ZFAND1: variants seen among roughly 807,000 people sequenced by gnomAD.
ZFAND1 encodes the protein zinc finger AN1-type containing 1, also known as AN1-type zinc finger protein 1.
ZFAND1 carries 40 observed loss-of-function variants against 38.5 expected under a neutral mutation model. The observed-to-expected ratio is 1.04, with a 90% confidence interval of 0.81 to 1.35. ZFAND1 has a LOEUF of 1.35. Among genes scored for constraint, ZFAND1 ranks in the 40% most tolerant of loss-of-function variants. The pLI is 0.00. For synonymous variants in ZFAND1, 117 were observed against 103.6 expected (o/e 1.13, Z -0.78); for missense variants, 346 against 316.3 (o/e 1.09, Z -0.71).
intron 6 of ZFAND1, among the ~76,000 whole-genome samples, chr8:81,713,716 G>A (rs1808211498): frequency 6.6e-6 from 1 of 152,086 alleles, no homozygotes; most frequent in East Asian, 1.9e-4. Context: ...ACTCGAAGAA[G>A]TATACATATG....
intron 6 of ZFAND1, among the ~76,000 whole-genome samples, chr8:81,708,519 C>G (rs1808046892): frequency 6.6e-6 from 1 of 151,548 alleles, no homozygotes; most frequent in South Asian, 2.1e-4. Flanking sequence ...GAAAAATATC[C>G]CAAAAGAAAA....
Position 81,706,370 on chromosome 8 carries a change from CAAAAAAAA to C in ZFAND1, c.481-3254_481-3247del, listed in dbSNP as rs35031788. Among the ~76,000 whole-genome samples the C allele has an allele frequency of 2.2e-3, 162 of 72,684 alleles. 1 individual carries two copies. Among genetic ancestry groups the C allele is most frequent in the Middle Eastern group, 0.017 (1 of 60 alleles). 47.7% of individuals were successfully genotyped at this position (72,684 alleles called of 152,430 possible). On this transcript the variant is annotated intron_variant, in intron 6 of 7. Coordinates refer to ENST00000220669, the MANE Select transcript of ZFAND1 (RefSeq NM_024699.3). ...CAAGTAAGCCCTAAGGAAGGAGAAA[CAAAAAAAA>C]AAAAAAAAAAAAAAAAGAAGTGTTG...
At position 81,715,004 on chromosome 8, in the gene ZFAND1, C is replaced by T. The variant is rs1808259434; in HGVS notation, c.249G>A (p.Glu83=). 3.1e-6 allele frequency: 5 copies of T among 1,614,020 alleles called. No homozygotes were observed. The highest frequency in any genetic ancestry group is 4.2e-6 in the Non-Finnish European group (5 of 1,179,908). Residue 83 remains glutamate, a synonymous_variant, in exon 4 of 8, where the codon GAG becomes GAA. Transcript: ENST00000220669. The part of the protein sequence containing the change: ...ELVAVICPYC[E]KNFCLRHRHQ... ...TCAATCACCTCAGGCAAAAATTCTT[C>T]TCACAATAAGGACATATAACTGCCA...
At chr8:81,718,860 GTTTC>G (rs1455619228) in intron 1 of ZFAND1, among the ~76,000 whole-genome samples, 1 of 151,384 alleles carries the variant, frequency 6.6e-6, no homozygotes, top group African/African-American at 2.4e-5. Flanking sequence ...ATGTGTGTGT[GTTTC>G]TATATATGTA....
At chr8:81,703,223 TACCTTCTA>T in intron 6 of ZFAND1, 99 bp from the exon 7 acceptor site, 1 of 806,128 alleles carries the variant, frequency 1.2e-6, no homozygotes, top group Non-Finnish European at 1.8e-6. Context: ...AGAGCAGAAT[TACCTTCTA>T]ACAAGGTATC....
At chr8:81,709,640 T>C (rs1451215592) in intron 6 of ZFAND1, among the ~76,000 whole-genome samples, 1 of 152,152 alleles carries the variant, frequency 6.6e-6, no homozygotes, top group Non-Finnish European at 1.5e-5. Flanking sequence ...TATACATGTA[T>C]GTATAAACAC....
intron 3 of ZFAND1, among the ~76,000 whole-genome samples, chr8:81,716,764 A>G (rs762381534): frequency 1.3e-5 from 2 of 152,198 alleles, no homozygotes; most frequent in Non-Finnish European, 2.9e-5. Context: ...CCTGGCCAAC[A>G]TGGTAAAACC....
chr8:81,708,839 T>C (rs1427624407), intron 6 of ZFAND1: 4 of 1,243,224 alleles, frequency 3.2e-6, no homozygotes, highest in Non-Finnish European at 4.1e-6. Flanking sequence ...TCTGTGAAAT[T>C]AGGATAAAAA....
chr8:81,719,332 C>CAT (rs1808404761), intron 1 of ZFAND1, among the ~76,000 whole-genome samples: 1 of 150,910 alleles, frequency 6.6e-6, no homozygotes, highest in Non-Finnish European at 1.5e-5. Context: ...CACACACACA[C>CAT]ACACACACAC....
chr8:81,718,155 C>T, intron 2 of ZFAND1, 27 bp downstream of exon 2: 1 of 1,554,544 alleles, frequency 6.4e-7, no homozygotes, highest in Non-Finnish European at 8.7e-7. Flanking sequence ...AAATTACTCC[C>T]AAATCCTGCA....
intron 6 of ZFAND1, among the ~76,000 whole-genome samples, chr8:81,712,057 G>A (rs1808154236): frequency 6.6e-6 from 1 of 152,076 alleles, no homozygotes; most frequent in Non-Finnish European, 1.5e-5. Flanking sequence ...TTATATACCA[G>A]AGTCAGTGAT....
intron 6 of ZFAND1, among the ~76,000 whole-genome samples, chr8:81,703,567 C>T (rs1395626697): frequency 6.6e-6 from 1 of 152,148 alleles, no homozygotes; most frequent in Non-Finnish European, 1.5e-5. Flanking sequence ...GGATTACAGG[C>T]ACGTGCCACC....
In ZFAND1 at chr8:81,702,515, C is replaced by A. The variant is rs1807840538; in HGVS notation, c.*180G>T. The A allele has an allele frequency of 2.4e-5, 11 of 455,448 alleles. No homozygotes were observed. Among genetic ancestry groups the A allele is most frequent in the Non-Finnish European group, 4.1e-5 (11 of 270,460 alleles). 28.2% of individuals were successfully genotyped at this position (455,448 alleles called of 1,614,324 possible). A position where few individuals can be genotyped will look rare whatever the true frequency, so the allele number is the denominator to read the frequency against. Reference sequence around the variant, plus strand: ...TTGCTAATAATTGAGGATCCGTACACAATTAAACTTAAAACCAAAAAACTC... The same window carrying A: ...TTGCTAATAATTGAGGATCCGTACAAAATTAAACTTAAAACCAAAAAACTC... On this transcript the variant is annotated 3_prime_UTR_variant, in exon 8 of 8. Transcript: ENST00000220669.
chr8:81,716,185 T>C (rs1415319612), intron 3 of ZFAND1, among the ~76,000 whole-genome samples: 3 of 152,218 alleles, frequency 2.0e-5, no homozygotes, highest in Non-Finnish European at 4.4e-5. Flanking sequence ...AAGCACTTGG[T>C]AAATGGTGGG....
chr8:81,702,908 C>T (rs1807854277), intron 7 of ZFAND1, 43 bp from the exon 8 acceptor site: 1 of 1,538,848 alleles, frequency 6.5e-7, no homozygotes, highest in Non-Finnish European at 8.7e-7. Context: ...AATAAACATG[C>T]TTGAATGGAG....
intron 1 of ZFAND1, among the ~76,000 whole-genome samples, chr8:81,719,104 G>A (rs931622231): frequency 1.3e-5 from 2 of 152,006 alleles, no homozygotes; most frequent in Non-Finnish European, 1.5e-5. Context: ...GATCAGAATA[G>A]TAATACAGTA....
intron 3 of ZFAND1, 88 bp from the exon 4 acceptor site, chr8:81,715,202 T>A: frequency 2.8e-6 from 4 of 1,449,636 alleles, no homozygotes; most frequent in Non-Finnish European, 3.7e-6. Flanking sequence ...ATTCATTTTA[T>A]TTTTGCTTAA....
At chr8:81,712,060 T>G (rs1230750177) in intron 6 of ZFAND1, among the ~76,000 whole-genome samples, 1 of 152,094 alleles carries the variant, frequency 6.6e-6, no homozygotes, top group Non-Finnish European at 1.5e-5. Flanking sequence ...TATACCAGAG[T>G]CAGTGATTTA....
At chr8:81,713,122 T>C (rs79424510) in intron 6 of ZFAND1, among the ~76,000 whole-genome samples, 4,008 of 45,152 alleles carry the variant, frequency 0.089, 88 homozygotes, top group South Asian at 0.32. Flanking sequence ...CGTTTGTTTG[T>C]TTTTGTTCGT....
Sources: allele counts gnomAD v4.1 joint callset (sites outside exome capture counted in the v4.1 genomes callset), GRCh38; gene constraint gnomAD v4.1.1; transcripts MANE v1.5; gene names NCBI Gene and HGNC (gene_info 2026-07-23, HGNC 2026-07-21).